Variants in WWOX observed in about 807,000 individuals in gnomAD.
The protein encoded by WWOX is WW domain containing oxidoreductase.
A neutral mutation model predicts 46.2 loss-of-function variants in WWOX; 69 were observed. The ratio of observed to expected loss-of-function variants is 1.49; its 90% CI spans 1.23 to 1.82. The LOEUF is 1.82. WWOX is among the 40% of genes most tolerant of loss of function. The pLI is 0.00. For synonymous variants in WWOX, 359 were observed against 202.6 expected, an observed-to-expected ratio of 1.77 and a Z score of -6.56; for missense variants, 919 against 542.6, an observed-to-expected ratio of 1.69 and a Z score of -6.89.
Position 78,567,207 on chromosome 16 carries a change from C to G in WWOX, c.1056+134455C>G, listed in dbSNP as rs144441131. 5.0e-3 allele frequency among the ~76,000 whole-genome samples: 765 copies of G among 152,248 alleles called. 7 individuals are homozygous for G. The highest frequency in any genetic ancestry group is 0.018 in the African/African-American group (733 of 41,526). ...CCCCCATCATGTCCTGACGCTTTCC[C>G]AAAGCTGAGCTGCCTGCCAGGGTCT... On this transcript the variant is annotated intron_variant, in intron 8 of 8. Coordinates refer to ENST00000566780, the MANE Select transcript of WWOX (RefSeq NM_016373.4).
At chr16:78,609,878 G>C (rs1193555286) in intron 8 of WWOX, among the ~76,000 whole-genome samples, 1 of 152,136 alleles carries the variant, frequency 6.6e-6, no homozygotes, top group East Asian at 1.9e-4. Flanking sequence ...ACCTTTTCTT[G>C]CTTTAGTGAT....
chr16:78,357,518 C>G (rs534600524), intron 5 of WWOX, among the ~76,000 whole-genome samples: 1 of 152,134 alleles, frequency 6.6e-6, no homozygotes, highest in African/African-American at 2.4e-5. Context: ...GTGATGTTAT[C>G]ATAACCTTGA....
At chr16:78,144,657 A>T (rs2034137927) in intron 4 of WWOX, among the ~76,000 whole-genome samples, 1 of 148,752 alleles carries the variant, frequency 6.7e-6, no homozygotes, top group Non-Finnish European at 1.5e-5. Context: ...AATAGCTGGG[A>T]TTACAGGTGC....
chr16:78,510,579 A>G (rs1488469500), intron 8 of WWOX, among the ~76,000 whole-genome samples: 11 of 152,198 alleles, frequency 7.2e-5, no homozygotes, highest in Non-Finnish European at 1.0e-4. Context: ...TTTCTCATCA[A>G]CTGCAACCAT....
At chr16:79,016,390 G>C (rs981565182) in intron 8 of WWOX, 3 of 151,990 alleles carry the variant, frequency 2.0e-5, no homozygotes, top group African/African-American at 7.3e-5. Flanking sequence ...ACTTGCCCAC[G>C]AGCAGCAACT....
At chr16:78,209,286 A>G (rs928138538) in intron 5 of WWOX, among the ~76,000 whole-genome samples, 5 of 152,208 alleles carry the variant, frequency 3.3e-5, no homozygotes, top group African/African-American at 1.2e-4. Flanking sequence ...AACTGGAATG[A>G]TTTGATCAGA....
At chr16:79,030,054 G>T (rs2047722777) in intron 8 of WWOX, among the ~76,000 whole-genome samples, 5 of 152,092 alleles carry the variant, frequency 3.3e-5, no homozygotes, top group Admixed American at 3.3e-4. Context: ...TTCTGACATT[G>T]TATGACCAAA....
At chr16:78,680,485 C>T (rs2047703609) in intron 8 of WWOX, among the ~76,000 whole-genome samples, 1 of 152,072 alleles carries the variant, frequency 6.6e-6, no homozygotes, top group African/African-American at 2.4e-5. Flanking sequence ...GATCATGCCA[C>T]TTCACTGCGG....
At chr16:78,571,675 C>T (rs773821749) in intron 8 of WWOX, among the ~76,000 whole-genome samples, 14 of 152,096 alleles carry the variant, frequency 9.2e-5, no homozygotes, top group Non-Finnish European at 2.1e-4. Context: ...TCCAGACCAG[C>T]CTGGCCAACA....
At chr16:78,728,562 G>C (rs2048890725) in intron 8 of WWOX, among the ~76,000 whole-genome samples, 1 of 152,120 alleles carries the variant, frequency 6.6e-6, no homozygotes, top group African/African-American at 2.4e-5. Flanking sequence ...AGTTGTAAAA[G>C]AATACAAGTA....
intron 8 of WWOX, among the ~76,000 whole-genome samples, chr16:78,574,999 T>A (rs1212775382): frequency 5.4e-5 from 2 of 37,016 alleles, no homozygotes; most frequent in Admixed American, 4.6e-4. Context: ...TATTTTTCAA[T>A]TATATATATA....
chr16:78,743,187 G>T (rs1409833135), intron 8 of WWOX, among the ~76,000 whole-genome samples: 1 of 152,072 alleles, frequency 6.6e-6, no homozygotes, highest in African/African-American at 2.4e-5. Flanking sequence ...GTTCATGCTG[G>T]CAGAGGAGGC....
intron 8 of WWOX, among the ~76,000 whole-genome samples, chr16:78,804,563 C>G (rs957245358): frequency 6.6e-5 from 10 of 152,240 alleles, no homozygotes; most frequent in Non-Finnish European, 1.5e-5. Flanking sequence ...ACTGTGGTTT[C>G]TCCCACTGGA....
chr16:78,398,488 G>A (rs894846344), intron 6 of WWOX, among the ~76,000 whole-genome samples: 5 of 152,158 alleles, frequency 3.3e-5, no homozygotes, highest in Admixed American at 6.5e-5. Context: ...CTTGTGTCAC[G>A]TCCTCTACAG....
intron 8 of WWOX, among the ~76,000 whole-genome samples, chr16:78,532,596 C>G (rs937837870): frequency 3.3e-5 from 5 of 152,148 alleles, no homozygotes; most frequent in Admixed American, 1.3e-4. Context: ...ATACCCAATA[C>G]TAGGTCATTT....
chr16:78,879,523 C>A (rs1342872593), intron 8 of WWOX, among the ~76,000 whole-genome samples: 1 of 152,196 alleles, frequency 6.6e-6, no homozygotes, highest in Non-Finnish European at 1.5e-5. Context: ...AAAAATTTGG[C>A]CTTTGGCCTC....
chr16:78,931,731 C>G (rs574288244), intron 8 of WWOX, among the ~76,000 whole-genome samples: 29 of 152,308 alleles, frequency 1.9e-4, no homozygotes, highest in African/African-American at 6.7e-4. Context: ...GGACAAGACA[C>G]TTGGGCAGAA....
At chr16:78,297,983 C>A (rs910874530) in intron 5 of WWOX, among the ~76,000 whole-genome samples, 3 of 152,078 alleles carry the variant, frequency 2.0e-5, no homozygotes, top group African/African-American at 7.2e-5. Context: ...GAGACCGTTC[C>A]CCCGTGCTGT....
intron 8 of WWOX, among the ~76,000 whole-genome samples, chr16:78,702,010 TATATATA>T: frequency 2.6e-5 from 1 of 39,096 alleles, no homozygotes; most frequent in African/African-American, 1.2e-4. Flanking sequence ...CATAAAATTA[TATATATA>T]TATATATATA....
Sources: allele counts gnomAD v4.1 joint callset (sites outside exome capture counted in the v4.1 genomes callset), GRCh38; gene constraint gnomAD v4.1.1; transcripts MANE v1.5; gene names NCBI Gene and HGNC (gene_info 2026-07-23, HGNC 2026-07-21).